The following FILIP1L variants were observed in gnomAD, a reference collection of about 807,000 sequenced individuals.
FILIP1L encodes the protein filamin A-interacting protein 1-like.
A neutral mutation model predicts 96.6 loss-of-function variants in FILIP1L; 55 were observed. The observed-to-expected ratio is 0.57, with a 90% CI of 0.46 to 0.71. The LOEUF (loss-of-function observed/expected upper bound fraction) is 0.71. Among genes scored for constraint, FILIP1L ranks in the 30% least tolerant of loss-of-function variants. The pLI is 0.00. For missense variants in FILIP1L, 1,304 were observed against 1,321.2 expected, an observed-to-expected ratio of 0.99 and a Z score of 0.20; for synonymous variants, 467 against 473.9, an observed-to-expected ratio of 0.99 and a Z score of 0.19.
chr3:99,915,240 G>T (rs146282615), intron 4 of FILIP1L, among the ~76,000 whole-genome samples: 6 of 152,176 alleles, frequency 3.9e-5, no homozygotes, highest in African/African-American at 1.4e-4. Flanking sequence ...GAGATTAATG[G>T]AAAATAATAG....
intron 1 of FILIP1L, among the ~76,000 whole-genome samples, chr3:99,943,591 C>A (rs898958867): frequency 1.3e-5 from 2 of 152,048 alleles, no homozygotes; most frequent in African/African-American, 4.8e-5. Context: ...GTAGTCCCAG[C>A]TACTCGGGAG....
chr3:99,851,202 G>A, intron 4 of FILIP1L, 132 bp from the exon 5 acceptor site: 2 of 676,198 alleles, frequency 3.0e-6, no homozygotes, highest in Non-Finnish European at 4.5e-6. Flanking sequence ...ATATGCAAAA[G>A]AGTTCCTGAA....
At chr3:100,064,507 T>G (rs1221239076) in intron 1 of FILIP1L, among the ~76,000 whole-genome samples, 4 of 152,220 alleles carry the variant, frequency 2.6e-5, no homozygotes, top group African/African-American at 9.6e-5. Flanking sequence ...TAATTTGTGA[T>G]GTAGCTGGTT....
intron 4 of FILIP1L, among the ~76,000 whole-genome samples, chr3:99,916,584 ATAAT>A (rs1160143420): frequency 3.9e-5 from 6 of 152,144 alleles, no homozygotes; most frequent in Non-Finnish European, 7.4e-5. Context: ...TGTGCATTAT[ATAAT>A]TAGTAATCAC....
intron 1 of FILIP1L, among the ~76,000 whole-genome samples, chr3:99,996,847 T>C (rs1336443956): frequency 2.0e-5 from 3 of 151,516 alleles, no homozygotes; most frequent in Non-Finnish European, 4.4e-5. Flanking sequence ...ATGGGAATTA[T>C]GGGAGTACAA....
intron 1 of FILIP1L, among the ~76,000 whole-genome samples, chr3:100,070,353 GT>G (rs1201169377): frequency 2.6e-5 from 4 of 152,070 alleles, no homozygotes; most frequent in African/African-American, 9.7e-5. Flanking sequence ...TGAAATGACT[GT>G]TTGATCTCTT....
At chr3:100,113,064 A>G (rs986376780) in intron 1 of FILIP1L, among the ~76,000 whole-genome samples, 66 of 152,252 alleles carry the variant, frequency 4.3e-4, no homozygotes, top group Non-Finnish European at 1.5e-4. Flanking sequence ...GGAATATGGT[A>G]GTGTAGTTAA....
At chr3:99,907,863 C>G (rs1706671211) in intron 4 of FILIP1L, among the ~76,000 whole-genome samples, 2 of 152,178 alleles carry the variant, frequency 1.3e-5, no homozygotes, top group South Asian at 4.2e-4. Flanking sequence ...TTTTCCACCA[C>G]CTGAATGCTT....
chr3:99,831,962 G>C (rs906780893), intron 5 of FILIP1L, among the ~76,000 whole-genome samples: 3 of 152,188 alleles, frequency 2.0e-5, no homozygotes, highest in Non-Finnish European at 4.4e-5. Flanking sequence ...GGCCGAGACA[G>C]ATTGGTATGA....
intron 1 of FILIP1L, among the ~76,000 whole-genome samples, chr3:99,958,615 A>G (rs1708406294): frequency 2.0e-5 from 3 of 152,180 alleles, no homozygotes; most frequent in Admixed American, 1.3e-4. Context: ...TTCAGAATAC[A>G]CTTCCAGTGA....
chr3:100,021,968 A>T (rs1364798358), intron 1 of FILIP1L, among the ~76,000 whole-genome samples: 1,231 of 117,778 alleles, frequency 0.01, 13 homozygotes, highest in African/African-American at 0.033. Context: ...TGTGAGAGAG[A>T]GAGAGAGAGA....
chr3:99,833,412 A>G (rs1942768070), intron 5 of FILIP1L: 3 of 647,772 alleles, frequency 4.6e-6, no homozygotes, highest in South Asian at 2.1e-5. Flanking sequence ...ATTGAGTCAT[A>G]ATGAGCAAAA....
intron 4 of FILIP1L, among the ~76,000 whole-genome samples, chr3:99,881,431 AGG>A (rs1338140201): frequency 5.9e-5 from 9 of 152,176 alleles, no homozygotes; most frequent in Non-Finnish European, 1.0e-4. Flanking sequence ...AAGACCTATT[AGG>A]TCATCTTCCC....
At chr3:99,899,321 G>A (rs1292626540) in intron 4 of FILIP1L, among the ~76,000 whole-genome samples, 1 of 152,146 alleles carries the variant, frequency 6.6e-6, no homozygotes, top group Non-Finnish European at 1.5e-5. Flanking sequence ...CACTTTATGG[G>A]TGTTTTGGTC....
At chr3:99,858,755 A>G (rs1188618446) in intron 4 of FILIP1L, among the ~76,000 whole-genome samples, 5 of 152,232 alleles carry the variant, frequency 3.3e-5, no homozygotes, top group African/African-American at 9.6e-5. Flanking sequence ...AGGTTGTGTT[A>G]TTATGAAGAT....
chr3:99,889,927 G>T (rs962586844), intron 4 of FILIP1L, among the ~76,000 whole-genome samples: 1 of 151,818 alleles, frequency 6.6e-6, no homozygotes, highest in Non-Finnish European at 1.5e-5. Context: ...ATCTATTATT[G>T]TTCTATTAGG....
chr3:100,076,969 C>G (rs1576027189), intron 1 of FILIP1L, among the ~76,000 whole-genome samples: 1 of 152,226 alleles, frequency 6.6e-6, no homozygotes, highest in East Asian at 1.9e-4. Flanking sequence ...CCCAGAAGAC[C>G]CTTTACTGTT....
Position 99,850,039 on chromosome 3 carries a change from G to T in FILIP1L, c.1637C>A (p.Ala546Glu), listed in dbSNP as rs373504477. The T allele has an allele frequency of 6.2e-7, 1 of 1,609,344 alleles. No homozygotes were observed. Among genetic ancestry groups the T allele is most frequent in the Admixed American group, 1.7e-5 (1 of 59,100 alleles). Residue 546 changes from alanine to glutamate, a missense_variant, in exon 5 of 6, where the codon GCG (alanine) becomes GAG (glutamate). By Grantham distance (107) the Ala-to-Glu change is moderately radical. Transcript: ENST00000477258. ...TEKLIEETKR[A>E]LKSKTDVEEK... ...TTCTACATCGGTTTTGGACTTGAGC[G>T]CCCTTTTAGTTTCCTCAATTAACTT...
At chr3:99,915,732 G>A (rs925717379) in intron 4 of FILIP1L, among the ~76,000 whole-genome samples, 3 of 152,104 alleles carry the variant, frequency 2.0e-5, no homozygotes, top group Non-Finnish European at 4.4e-5. Context: ...AAGGAAATAG[G>A]ATACAACCAT....
Sources: gnomAD v4.1 joint callset for allele counts (sites outside exome capture counted in the v4.1 genomes callset) on GRCh38, gnomAD v4.1.1 for gene constraint, MANE v1.5 for transcripts, NCBI Gene and HGNC (gene_info 2026-07-23, HGNC 2026-07-21) for gene names.